Variants in RABGAP1L observed in about 807,000 individuals in gnomAD.
The protein encoded by RABGAP1L is rab GTPase-activating protein 1-like.
Under a neutral mutation model 137.7 loss-of-function variants are expected in RABGAP1L, and 63 were observed. The ratio of observed to expected loss-of-function variants is 0.46; its 90% confidence interval spans 0.37 to 0.56. RABGAP1L has a LOEUF of 0.56. RABGAP1L is among the 20% of genes least tolerant of loss of function. RABGAP1L has a pLI of 0.00. For synonymous variants in RABGAP1L, 431 were observed against 433.7 expected (o/e 0.99, Z 0.08); for missense variants, 1,095 against 1,244.0 (o/e 0.88, Z 1.80).
At chr1:174,283,316 G>A (rs1409420581) in intron 10 of RABGAP1L, among the ~76,000 whole-genome samples, 1 of 152,008 alleles carries the variant, frequency 6.6e-6, no homozygotes, top group African/African-American at 2.4e-5. Context: ...TGAGGTGGGA[G>A]GATTGCTTGA....
At chr1:174,934,419 C>T (rs991193964) in intron 19 of RABGAP1L, among the ~76,000 whole-genome samples, 11 of 152,070 alleles carry the variant, frequency 7.2e-5, no homozygotes, top group Admixed American at 6.5e-5. Flanking sequence ...ATTTTAAGCT[C>T]ACATCTGATG....
chr1:174,622,063 C>G (rs577080696), intron 13 of RABGAP1L, among the ~76,000 whole-genome samples: 3 of 152,238 alleles, frequency 2.0e-5, no homozygotes, highest in South Asian at 4.2e-4. Flanking sequence ...AGACAGTTCT[C>G]AAAAGAAGAC....
rs148901840 is a variant in RABGAP1L, at chr1:174,937,619, A to AATATATATATATATATATAT, written c.2341-19822_2341-19821insATATATATATATATATATAT. ...ATTTTTAAATAGCAATACTTCATTA[A>AATATATATATATATATATAT]ATATATATATATATATCTTGCAGTT... is the stretch of plus-strand genomic sequence containing the variant. On this transcript the variant is annotated intron_variant, in intron 19 of 25. Coordinates refer to ENST00000681986, the MANE Select transcript of RABGAP1L (RefSeq NM_001366446.1). 1.6e-3 allele frequency among the ~76,000 whole-genome samples: 178 copies of AATATATATATATATATATAT among 109,628 alleles called. 9 individuals are homozygous for AATATATATATATATATATAT. The highest frequency in any genetic ancestry group is 7.1e-3 in the African/African-American group (142 of 19,900). 71.9% of individuals were successfully genotyped at this position (109,628 alleles called of 152,430 possible).
chr1:174,312,752 T>C (rs927705359), intron 11 of RABGAP1L, among the ~76,000 whole-genome samples: 8 of 152,194 alleles, frequency 5.3e-5, no homozygotes, highest in Non-Finnish European at 1.0e-4. Context: ...CTTGAGTCTT[T>C]AATCCGTTTT....
chr1:174,626,426 G>A (rs867532988), intron 13 of RABGAP1L, among the ~76,000 whole-genome samples: 3 of 152,068 alleles, frequency 2.0e-5, no homozygotes, highest in African/African-American at 4.8e-5. Context: ...CTCGAAATAC[G>A]CTTCGTCCTC....
chr1:174,757,117 A>T (rs974874138), intron 18 of RABGAP1L: 5 of 473,320 alleles, frequency 1.1e-5, no homozygotes, highest in Non-Finnish European at 2.2e-5. Context: ...GGGAGGTTGT[A>T]ATCTTGTTCA....
At chr1:174,785,226 A>G (rs1188263633) in intron 18 of RABGAP1L, among the ~76,000 whole-genome samples, 1 of 152,010 alleles carries the variant, frequency 6.6e-6, no homozygotes, top group African/African-American at 2.4e-5. Context: ...CGCCAATCAC[A>G]ACTAATTTTG....
intron 18 of RABGAP1L, among the ~76,000 whole-genome samples, chr1:174,759,768 G>A (rs971240216): frequency 1.3e-5 from 2 of 152,122 alleles, no homozygotes; most frequent in East Asian, 3.9e-4. Flanking sequence ...AGATACAGAA[G>A]GGGGAGGTCC....
chr1:174,248,674 C>T (rs1440847268), intron 5 of RABGAP1L, among the ~76,000 whole-genome samples: 1 of 152,086 alleles, frequency 6.6e-6, no homozygotes, highest in African/African-American at 2.4e-5. Context: ...TGTGCTTGTA[C>T]AAGAAAAAGT....
At chr1:174,911,913 C>T (rs1298924882) in intron 19 of RABGAP1L, among the ~76,000 whole-genome samples, 1 of 152,208 alleles carries the variant, frequency 6.6e-6, no homozygotes, top group East Asian at 1.9e-4. Flanking sequence ...TAGCCTCTCA[C>T]ATTTGTCACG....
intron 13 of RABGAP1L, among the ~76,000 whole-genome samples, chr1:174,481,212 A>G (rs1470852413): frequency 3.3e-5 from 5 of 152,188 alleles, no homozygotes; most frequent in African/African-American, 1.2e-4. Flanking sequence ...GCACTTGACT[A>G]TGCTTATTTG....
chr1:174,652,691 C>G (rs921186822), intron 14 of RABGAP1L, among the ~76,000 whole-genome samples: 1 of 152,160 alleles, frequency 6.6e-6, no homozygotes, highest in Non-Finnish European at 1.5e-5. Flanking sequence ...GAGAGGCACT[C>G]GCCAGATGCC....
chr1:174,808,662 T>C (rs1422816669), intron 18 of RABGAP1L, among the ~76,000 whole-genome samples: 1 of 151,860 alleles, frequency 6.6e-6, no homozygotes, highest in Non-Finnish European at 1.5e-5. Context: ...TTCTTTCTTT[T>C]TTTTTTTTGA....
At chr1:174,848,182 C>T (rs1462715211) in intron 19 of RABGAP1L, among the ~76,000 whole-genome samples, 7 of 71,908 alleles carry the variant, frequency 9.7e-5, no homozygotes, top group Admixed American at 4.7e-4. Context: ...AATGTCCTCC[C>T]GTAGCTCAGA....
intron 7 of RABGAP1L, 130 bp downstream of exon 7, chr1:174,252,720 C>T: frequency 7.5e-7 from 1 of 1,335,250 alleles, no homozygotes; most frequent in Non-Finnish European, 9.8e-7. Flanking sequence ...ATTAATAATA[C>T]TTTCTCTACT....
At chr1:174,256,826 G>A (rs2148615853) in intron 7 of RABGAP1L, among the ~76,000 whole-genome samples, 1 of 151,998 alleles carries the variant, frequency 6.6e-6, no homozygotes, top group Non-Finnish European at 1.5e-5. Context: ...AATATATCCT[G>A]CTCCTCATCA....
intron 19 of RABGAP1L, among the ~76,000 whole-genome samples, chr1:174,947,612 G>A (rs1331674517): frequency 1.3e-5 from 2 of 151,552 alleles, no homozygotes; most frequent in African/African-American, 2.4e-5. Flanking sequence ...TAGAGATGGG[G>A]TTCCACCATG....
chr1:174,892,725 T>TTCC (rs1442353278), intron 19 of RABGAP1L: 47 of 470,692 alleles, frequency 1.0e-4, no homozygotes, highest in African/African-American at 9.3e-4. Context: ...ATTTCTTTGT[T>TTCC]TTCTTTCTTT....
At chr1:174,601,633 C>T (rs560704590) in intron 13 of RABGAP1L, among the ~76,000 whole-genome samples, 3 of 152,158 alleles carry the variant, frequency 2.0e-5, no homozygotes, top group South Asian at 2.1e-4. Flanking sequence ...TACCCTAGAA[C>T]TTAAAGTATA....
Sources: allele counts gnomAD v4.1 joint callset (sites outside exome capture counted in the v4.1 genomes callset), GRCh38; gene constraint gnomAD v4.1.1; transcripts MANE v1.5; gene names NCBI Gene and HGNC (gene_info 2026-07-23, HGNC 2026-07-21).